Variants in CDH13 observed in about 807,000 individuals in gnomAD.
The protein encoded by CDH13 is cadherin 13.
In CDH13, 24 loss-of-function variants were observed where a neutral mutation model predicts 63.8. The ratio of observed to expected loss-of-function variants is 0.38; its 90% CI spans 0.27 to 0.53. CDH13 has a LOEUF of 0.53. CDH13 is among the 20% of genes least tolerant of loss of function. The pLI, the probability that CDH13 is intolerant of heterozygous loss-of-function variation, is 0.85. For missense variants in CDH13, 1,049 were observed against 903.1 expected, an observed-to-expected ratio of 1.16 and a Z score of -2.07; for synonymous variants, 503 against 355.3, an observed-to-expected ratio of 1.42 and a Z score of -4.67.
intron 1 of CDH13, among the ~76,000 whole-genome samples, chr16:82,714,573 G>C (rs529535929): frequency 5.9e-5 from 9 of 151,706 alleles, no homozygotes; most frequent in Admixed American, 4.6e-4. Flanking sequence ...AATTAGCTGG[G>C]TGTGTTGGCA....
At chr16:82,936,033 T>C (rs2042656140) in intron 2 of CDH13, among the ~76,000 whole-genome samples, 2 of 152,184 alleles carry the variant, frequency 1.3e-5, no homozygotes, top group African/African-American at 4.8e-5. Context: ...TGGGCAAGGC[T>C]GGTCACCCCA....
At chr16:83,054,481 T>C (rs1405632671) in intron 3 of CDH13, among the ~76,000 whole-genome samples, 1 of 152,156 alleles carries the variant, frequency 6.6e-6, no homozygotes, top group Non-Finnish European at 1.5e-5. Context: ...GTATGTACAG[T>C]GTGGATACAC....
Position 82,869,125 on chromosome 16 carries a change from C to T in CDH13, c.157+10652C>T, listed in dbSNP as rs12930485. On this transcript the variant is annotated intron_variant, in intron 2 of 13. Transcript: ENST00000567109. ...GCAGTGGCGCAATCTCAACTCACTG[C>T]AACCTCTGCCTCCTGGGTTCAAGCT... is the stretch of plus-strand genomic sequence containing the variant. 7.8e-3 allele frequency among the ~76,000 whole-genome samples: 1,183 copies of T among 152,282 alleles called. 13 individuals are homozygous for T. The highest frequency in any genetic ancestry group is 0.011 in the Non-Finnish European group (777 of 68,014).
intron 1 of CDH13, among the ~76,000 whole-genome samples, chr16:82,668,524 G>T (rs1411939316): frequency 6.6e-6 from 1 of 152,064 alleles, no homozygotes; most frequent in Non-Finnish European, 1.5e-5. Flanking sequence ...TTTTTTTGTT[G>T]TTGTTGTTTC....
intron 2 of CDH13, among the ~76,000 whole-genome samples, chr16:82,964,002 C>T (rs923608642): frequency 5.9e-5 from 9 of 152,322 alleles, no homozygotes; most frequent in African/African-American, 1.9e-4. Flanking sequence ...AACACCAGTG[C>T]CCGGTGGAGC....
At chr16:83,316,693 C>A (rs1196109700) in intron 5 of CDH13, among the ~76,000 whole-genome samples, 1 of 152,166 alleles carries the variant, frequency 6.6e-6, no homozygotes, top group African/African-American at 2.4e-5. Context: ...TTAGAAATAC[C>A]AGCTGCGAGT....
intron 2 of CDH13, among the ~76,000 whole-genome samples, chr16:82,886,700 G>T (rs537386567): frequency 6.6e-6 from 1 of 152,018 alleles, no homozygotes; most frequent in East Asian, 1.9e-4. Flanking sequence ...ACTGTTCTAA[G>T]CCTTTTTCTG....
intron 7 of CDH13, among the ~76,000 whole-genome samples, chr16:83,568,831 T>A (rs1308921247): frequency 1.3e-5 from 2 of 152,180 alleles, no homozygotes; most frequent in African/African-American, 4.8e-5. Context: ...TCACTTGCTG[T>A]TCTGTCCTTT....
chr16:82,791,620 G>A (rs1567538701), intron 1 of CDH13, among the ~76,000 whole-genome samples: 2 of 152,162 alleles, frequency 1.3e-5, no homozygotes, highest in Non-Finnish European at 2.9e-5. Context: ...GTTTGCTGCC[G>A]TCGCAGACCC....
intron 2 of CDH13, among the ~76,000 whole-genome samples, chr16:82,868,409 C>T (rs1203283970): frequency 1.3e-5 from 2 of 152,096 alleles, no homozygotes. Context: ...ATGCATTATC[C>T]TACCTAACAA....
intron 4 of CDH13, among the ~76,000 whole-genome samples, chr16:83,178,648 AGT>A (rs1455584601): frequency 6.6e-6 from 1 of 152,138 alleles, no homozygotes; most frequent in Non-Finnish European, 1.5e-5. Flanking sequence ...ATTTAAATGG[AGT>A]GTGTAATTTT....
chr16:83,333,407 C>T (rs182681068), intron 5 of CDH13, among the ~76,000 whole-genome samples: 9 of 152,084 alleles, frequency 5.9e-5, no homozygotes, highest in Admixed American at 5.9e-4. Flanking sequence ...CGGGGGTGGT[C>T]CTATGGGGAT....
At chr16:83,422,450 G>T (rs1450358062) in intron 6 of CDH13, among the ~76,000 whole-genome samples, 1 of 152,276 alleles carries the variant, frequency 6.6e-6, no homozygotes, top group African/African-American at 2.4e-5. Flanking sequence ...AGAGGTCTTT[G>T]AGATAATGAA....
rs1443861709 is a variant in CDH13 at position 83,257,062 on chromosome 16, T to C, written c.636+39565T>C. ...ACACTGAACCAGTAATGATAAGTAA[T>C]GACTGATTTTGAAGGAACCATACAG... On this transcript the variant is annotated intron_variant, in intron 5 of 13. Transcript: ENST00000567109. 2.0e-5 allele frequency among the ~76,000 whole-genome samples: 3 copies of C among 152,002 alleles called. No individual in the cohort carries two copies. In the East Asian group the frequency reaches 5.8e-4, roughly 29 times the overall value.
intron 5 of CDH13, among the ~76,000 whole-genome samples, chr16:83,236,074 A>T (rs1336324413): frequency 1.3e-5 from 2 of 152,238 alleles, no homozygotes; most frequent in African/African-American, 4.8e-5. Context: ...TGCCTATTTT[A>T]AGCCTGGTAG....
At chr16:83,330,109 A>G (rs941788504) in intron 5 of CDH13, among the ~76,000 whole-genome samples, 1 of 152,242 alleles carries the variant, frequency 6.6e-6, no homozygotes, top group African/African-American at 2.4e-5. Flanking sequence ...CTTGTAGAAA[A>G]TGAATTATTA....
chr16:82,914,704 C>T (rs1385620464), intron 2 of CDH13, among the ~76,000 whole-genome samples: 1 of 152,310 alleles, frequency 6.6e-6, no homozygotes, highest in East Asian at 1.9e-4. Flanking sequence ...AGGCATGGGG[C>T]AGGTGAAATG....
Position 82,947,080 on chromosome 16 carries a change from T to C in CDH13, c.158-84930T>C, listed in dbSNP as rs545317955. Among the ~76,000 whole-genome samples the C allele has an allele frequency of 5.4e-5, 8 of 148,906 alleles. No individual in the cohort carries two copies. In the East Asian group the frequency reaches 1.7e-3, roughly 32 times the overall value. On this transcript the variant is annotated intron_variant, in intron 2 of 13. Transcript: ENST00000567109. ...TAAGAAAGTTTAAGGCTATCTCCCT[T>C]CCTTATTCCTCTCTCTGATTACTGT...
chr16:83,016,827 A>C (rs902814011), intron 2 of CDH13, among the ~76,000 whole-genome samples: 1 of 116,044 alleles, frequency 8.6e-6, no homozygotes, highest in Admixed American at 8.7e-5. Context: ...TTTTTGTACA[A>C]AAGATGCTCA....
Sources: gnomAD v4.1 joint callset for allele counts (sites outside exome capture counted in the v4.1 genomes callset) on GRCh38, gnomAD v4.1.1 for gene constraint, MANE v1.5 for transcripts, NCBI Gene and HGNC (gene_info 2026-07-23, HGNC 2026-07-21) for gene names.